ABI3BP: variants seen among roughly 807,000 people sequenced by gnomAD.
ABI3BP encodes ABI family member 3 binding protein.
A neutral mutation model predicts 268.6 loss-of-function variants in ABI3BP; 216 were observed. The ratio of observed to expected loss-of-function variants is 0.80; its 90% CI spans 0.72 to 0.90. The LOEUF (loss-of-function observed/expected upper bound fraction) is 0.90. Ranked by LOEUF, ABI3BP falls within the 40% of genes least tolerant of loss-of-function variation. The probability of loss-of-function intolerance (pLI) is 0.00; values close to 1 mark genes in which losing one functional copy is unlikely to be tolerated. For synonymous variants in ABI3BP, 730 were observed against 730.0 expected (o/e 1.00, Z 0.00); for missense variants, 2,090 against 2,182.4 (o/e 0.96, Z 0.84).
At chr3:100,925,217 A>C (rs1490708124) in intron 2 of ABI3BP, among the ~76,000 whole-genome samples, 1 of 152,200 alleles carries the variant, frequency 6.6e-6, no homozygotes, top group Non-Finnish European at 1.5e-5. Context: ...AGGACAAAAT[A>C]GATTCATCTT....
intron 63 of ABI3BP, among the ~76,000 whole-genome samples, chr3:100,763,997 A>T (rs1195150267): frequency 6.6e-6 from 1 of 152,208 alleles, no homozygotes; most frequent in Non-Finnish European, 1.5e-5. Context: ...GATCTGGCTT[A>T]TAAGACCCTC....
chr3:100,809,023 TAA>T (rs1054582477), intron 49 of ABI3BP, among the ~76,000 whole-genome samples: 52 of 151,972 alleles, frequency 3.4e-4, no homozygotes, highest in African/African-American at 1.2e-3. Context: ...TTGCTGAAAA[TAA>T]GAGTTATTTG....
At chr3:100,838,815 T>C (rs2098647260) in intron 24 of ABI3BP, among the ~76,000 whole-genome samples, 1 of 152,216 alleles carries the variant, frequency 6.6e-6, no homozygotes, top group Admixed American at 6.5e-5. Flanking sequence ...GGTAGAAATC[T>C]GATTGCTTAG....
chr3:100,862,853 GTTTCT>G lies in ABI3BP; in HGVS notation c.1190_1194del (p.Glu397AlafsTer2). The G allele has an allele frequency of 2.0e-6, 3 of 1,535,390 alleles. No homozygotes were observed. Among genetic ancestry groups the G allele is most frequent in the Non-Finnish European group, 2.6e-6 (3 of 1,146,412 alleles). ...CTCTTATTACCCAATGTGCCCCTAG[GTTTCT>G]CAAAAGGGAAGGGTGTTTTTGCCTC... On this transcript the variant is annotated frameshift_variant, in exon 13 of 68. Coordinates refer to ENST00000471714, the MANE Select transcript of ABI3BP (RefSeq NM_001375547.2). LOFTEE classifies it high-confidence loss of function.
chr3:100,936,101 T>G (rs1057041769), intron 1 of ABI3BP, among the ~76,000 whole-genome samples: 5 of 152,132 alleles, frequency 3.3e-5, no homozygotes, highest in Non-Finnish European at 7.4e-5. Context: ...CAGTATGATA[T>G]TGGCTGTGGG....
At chr3:100,981,139 G>C (rs2089193669) in intron 1 of ABI3BP, among the ~76,000 whole-genome samples, 1 of 152,018 alleles carries the variant, frequency 6.6e-6, no homozygotes, top group African/African-American at 2.4e-5. Flanking sequence ...ATATAAATGT[G>C]TGCTTTTCTA....
chr3:100,982,840 G>A (rs1296577726), intron 1 of ABI3BP, among the ~76,000 whole-genome samples: 1 of 152,128 alleles, frequency 6.6e-6, no homozygotes, highest in Non-Finnish European at 1.5e-5. Context: ...TGGCCAGAGT[G>A]TCTTAACTTC....
chr3:100,972,072 C>T (rs1457091253), intron 1 of ABI3BP, among the ~76,000 whole-genome samples: 7 of 152,216 alleles, frequency 4.6e-5, no homozygotes, highest in Non-Finnish European at 8.8e-5. Flanking sequence ...ACATATCTGC[C>T]ACCTGGTAAT....
In ABI3BP at chr3:100,864,087, A is replaced by G; in HGVS notation, c.1064-11T>C. 1 of 1,528,234 alleles carries G rather than the reference A, an allele frequency of 6.5e-7. No individual in the cohort carries two copies. Among genetic ancestry groups the G allele is most frequent in the Non-Finnish European group, 8.8e-7 (1 of 1,139,576 alleles). 94.7% of individuals were successfully genotyped at this position (1,528,234 alleles called of 1,614,324 possible). On this transcript the variant is annotated splice_polypyrimidine_tract_variant and intron_variant, in intron 11 of 67. Transcript: ENST00000471714. ...TCCTTTTGCTGAGAACTACAATAAA[A>G]AAGAGTGCAGTTAGCAACTCCTGGA...
rs1335500729 is a variant in ABI3BP at position 100,886,200 on chromosome 3, T to G, written c.585A>C (p.Lys195Asn). 1 of 1,608,812 alleles carries G rather than the reference T, an allele frequency of 6.2e-7. No individual in the cohort carries two copies. Among genetic ancestry groups the G allele is most frequent in the Non-Finnish European group, 8.5e-7 (1 of 1,177,392 alleles). The change falls in exon 5 of 68, where the codon AAA becomes AAC. Residue 195 changes from lysine (K) to asparagine (N), a missense_variant. Physicochemically the swap from Lys to Asn is moderately conservative, Grantham distance 94. Coordinates refer to ENST00000471714, the MANE Select transcript of ABI3BP (RefSeq NM_001375547.2). ...TCCAAATTCCACCTTCCACATTGTC[T>G]TTCACTCCAAATTCATAAACTGTGT... The part of the protein sequence containing the change: ...KPNTVYEFGV[K>N]DNVEGGIWSK...
Position 100,828,464 on chromosome 3 carries a change from T to C in ABI3BP, c.2543-12A>G, listed in dbSNP as rs1374236896. 9 of 1,529,520 alleles carry C rather than the reference T, an allele frequency of 5.9e-6. No homozygotes were observed. The highest frequency in any genetic ancestry group is 1.7e-4 in the Middle Eastern group (1 of 5,964). The allele number at this position is 1,529,520 out of a possible 1,614,324, so 94.7% of individuals were successfully genotyped here. Reference sequence around the variant, plus strand: ...GATTGTAGCAGGAACTGGCCAAAAATAATAAAAATAAAACACCAACAAAAC... The same window carrying C: ...GATTGTAGCAGGAACTGGCCAAAAACAATAAAAATAAAACACCAACAAAAC... On this transcript the variant is annotated splice_polypyrimidine_tract_variant and intron_variant, in intron 33 of 67. Transcript: ENST00000471714.
At chr3:100,812,642 A>G (rs1288249401) in intron 45 of ABI3BP, 119 bp from the exon 46 acceptor site, 2 of 533,300 alleles carry the variant, frequency 3.8e-6, no homozygotes, top group Non-Finnish European at 5.7e-6. Context: ...CATTATTAAC[A>G]CTAAGGGAAG....
At position 100,770,776 on chromosome 3, in the gene ABI3BP, C is replaced by T. The variant is rs1285952784; in HGVS notation, c.4708G>A (p.Asp1570Asn). The T allele has an allele frequency of 1.3e-6, 2 of 1,551,850 alleles. No individual in the cohort carries two copies. Among genetic ancestry groups the T allele is most frequent in the Non-Finnish European group, 1.7e-6 (2 of 1,147,526 alleles). Reference protein sequence around the residue: ...VEGCPSFVILDWEKPLNDTVT... With the variant: ...VEGCPSFVILNWEKPLNDTVT... ...GTGTCATTTAGTGGCTTTTCCCAGT[C>T]CAAGATGACAAATGAGGGGCACCCT... Residue 1570 changes from aspartate to asparagine, a missense_variant, in exon 62 of 68, where the codon GAC (aspartate) becomes AAC (asparagine). By Grantham distance (23) the Asp-to-Asn change is conservative (BLOSUM62 1). Transcript: ENST00000471714.
chr3:100,856,909 A>G (rs6780804), intron 14 of ABI3BP, among the ~76,000 whole-genome samples: 62,041 of 151,834 alleles, frequency 0.41, 14,241 homozygotes, highest in African/African-American at 0.64. Context: ...GCATTATTTT[A>G]CTCATTGATC....
At chr3:100,820,594 A>C (rs962998768) in intron 39 of ABI3BP, among the ~76,000 whole-genome samples, 2 of 152,230 alleles carry the variant, frequency 1.3e-5, no homozygotes, top group Non-Finnish European at 2.9e-5. Context: ...GGTGGTGGTC[A>C]GTTATAAGTT....
At position 100,940,211 on chromosome 3, in the gene ABI3BP, TA is replaced by T. The variant is rs369850622; in HGVS notation, c.80-13731del. On this transcript the variant is annotated intron_variant, in intron 1 of 67. Transcript: ENST00000471714. ...TTCCTCAGCTGACAGGATTATGAGA[TA>T]AAAATAAAGACAGGCATAGGAAATC... 8.5e-4 allele frequency among the ~76,000 whole-genome samples: 130 copies of T among 152,136 alleles called. 1 individual carries two copies. The highest frequency in any genetic ancestry group is 3.0e-3 in the African/African-American group (125 of 41,510).
intron 2 of ABI3BP, among the ~76,000 whole-genome samples, chr3:100,912,444 C>T (rs772583905): frequency 5.3e-5 from 8 of 151,940 alleles, no homozygotes; most frequent in Non-Finnish European, 1.2e-4. Flanking sequence ...GACTGATTTG[C>T]AGTAGAAAAT....
At position 100,838,209 on chromosome 3, in the gene ABI3BP, C is replaced by T. The variant is rs1171541893; in HGVS notation, c.2083+1G>A. On this transcript the variant is annotated splice_donor_variant, in intron 26 of 67. Coordinates refer to ENST00000471714, the MANE Select transcript of ABI3BP (RefSeq NM_001375547.2). LOFTEE classifies it high-confidence loss of function. ...GCTAAAGCACTGGAAATTATGTTTA[C>T]CGGATTTAGTTGGTGGCATGTCTGG... The T allele has an allele frequency of 6.5e-7, 1 of 1,534,832 alleles. No homozygotes were observed. The highest frequency in any genetic ancestry group is 1.4e-5 in the African/African-American group (1 of 73,048).
chr3:100,827,954 A>C (rs1271397656), intron 34 of ABI3BP, among the ~76,000 whole-genome samples: 7 of 152,176 alleles, frequency 4.6e-5, no homozygotes, highest in African/African-American at 1.4e-4. Flanking sequence ...TAACAAAATA[A>C]CAAAAATAAC....
Sources: allele counts gnomAD v4.1 joint callset (sites outside exome capture counted in the v4.1 genomes callset), GRCh38; gene constraint gnomAD v4.1.1; transcripts MANE v1.5; gene names NCBI Gene and HGNC (gene_info 2026-07-23, HGNC 2026-07-21).